PRMT9: variants seen among roughly 807,000 people sequenced by gnomAD.
The protein encoded by PRMT9 is protein arginine methyltransferase 9, also known as protein arginine N-methyltransferase 9.
PRMT9 carries 59 observed loss-of-function variants against 83.2 expected under a neutral mutation model. The ratio of observed to expected loss-of-function variants is 0.71; its 90% CI spans 0.57 to 0.88. PRMT9 has a LOEUF of 0.88. Ranked by LOEUF, PRMT9 falls within the 40% of genes least tolerant of loss-of-function variation. The pLI is 0.00. For synonymous variants in PRMT9, 333 were observed against 353.2 expected (o/e 0.94, Z 0.64); for missense variants, 947 against 1,021.9 (o/e 0.93, Z 1.00).
At chr4:147,671,800 A>G (rs936968633) in intron 4 of PRMT9, 14 of 453,908 alleles carry the variant, frequency 3.1e-5, no homozygotes, top group Non-Finnish European at 4.9e-5. Flanking sequence ...TGTGAGAAAA[A>G]GGTAGATTAA....
chr4:147,660,331 C>T (rs1434592961), intron 7 of PRMT9, among the ~76,000 whole-genome samples: 1 of 152,160 alleles, frequency 6.6e-6, no homozygotes, highest in East Asian at 1.9e-4. Flanking sequence ...GGGGTTTTCT[C>T]TGTATTTAAA....
chr4:147,673,031 T>C lies in PRMT9; in HGVS notation c.671A>G (p.Lys224Arg), dbSNP rs1432370030. The C allele has an allele frequency of 4.3e-6, 7 of 1,614,034 alleles. No individual in the cohort carries two copies. In the South Asian group the frequency reaches 5.5e-5, roughly 13 times the overall value. Residue 224 changes from lysine to arginine, a missense_variant, in exon 4 of 12, where the codon AAG becomes AGG. Physicochemically the swap from Lys to Arg is conservative, Grantham distance 26. Transcript: ENST00000322396. ...TAAGAGTTTGATCCCTGCTTCCATC[T>C]TGTTTGCTGCCACGACATCACAGGC... is the stretch of plus-strand genomic sequence containing the variant. ...ELACDVVAAN[K>R]MEAGIKLLHT...
intron 11 of PRMT9, 94 bp from the exon 12 acceptor site, chr4:147,638,841 A>G: frequency 7.3e-7 from 1 of 1,363,830 alleles, no homozygotes; most frequent in Non-Finnish European, 1.0e-6. Context: ...AAAATTTAAA[A>G]TACATTTCAC....
rs534888352 is a variant in PRMT9, at chr4:147,662,790, C to T, written c.954-1752G>A. ...CTCCAGCCTAGGCAACAGAGCGAGA[C>T]CCTGTCTCAAAAAAACAAAAAAAAC... On this transcript the variant is annotated intron_variant, in intron 6 of 11. Transcript: ENST00000322396. Among the ~76,000 whole-genome samples the T allele has an allele frequency of 2.4e-4, 37 of 151,748 alleles. No homozygotes were observed. In the South Asian group the frequency reaches 7.5e-3, roughly 31 times the overall value.
chr4:147,654,842 C>T (rs1488898775), intron 8 of PRMT9, among the ~76,000 whole-genome samples: 1 of 152,142 alleles, frequency 6.6e-6, no homozygotes, highest in Non-Finnish European at 1.5e-5. Context: ...GTTTTTAATG[C>T]CATCACTAGG....
At chr4:147,667,949 A>T (rs1215561996) in intron 6 of PRMT9, among the ~76,000 whole-genome samples, 2 of 150,730 alleles carry the variant, frequency 1.3e-5, no homozygotes, top group African/African-American at 4.9e-5. Flanking sequence ...ATTTTCCATT[A>T]AAAAAAAACT....
chr4:147,654,184 C>G lies in PRMT9; in HGVS notation c.1713G>C (p.Gln571His). ...CQNEMSSGTG[Q>H]SNTVQNILEP... ...CAAGGATGTTCTGTACAGTATTACTCTGTCCAGTTCCAGAGCTCATCTCAT... is the reference window on the plus strand; with the variant it reads ...CAAGGATGTTCTGTACAGTATTACTGTGTCCAGTTCCAGAGCTCATCTCAT... Residue 571 changes from glutamine (Q) to histidine (H), a missense_variant, in exon 9 of 12, where the codon CAG becomes CAC. By Grantham distance (24) the Gln-to-His change is conservative. Coordinates refer to ENST00000322396, the MANE Select transcript of PRMT9 (RefSeq NM_138364.4). 1 of 1,614,206 alleles carries G rather than the reference C, an allele frequency of 6.2e-7. No individual in the cohort carries two copies. Among genetic ancestry groups the G allele is most frequent in the Non-Finnish European group, 8.5e-7 (1 of 1,180,026 alleles).
chr4:147,683,670 G>A (rs1736650099), intron 1 of PRMT9, 129 bp downstream of exon 1: 1 of 865,108 alleles, frequency 1.2e-6, no homozygotes, highest in Non-Finnish European at 1.9e-6. Flanking sequence ...GAGAAAAAAG[G>A]GCCCTAAATA....
Position 147,670,699 on chromosome 4 carries a change from C to A in PRMT9, c.788G>T (p.Gly263Val). ...AATCAAACTCTCCACAATTCCTTCT[C>A]CAAATAAACCTGCATCGACAGTTTC... is the stretch of plus-strand genomic sequence containing the variant. ...VTETVDAGLF[G>V]EGIVESLIHA... The change falls in exon 5 of 12, where the codon GGA becomes GTA. Residue 263 changes from glycine (G) to valine (V), a missense_variant. Gly to Val is a moderately radical substitution (Grantham distance 109). Transcript: ENST00000322396. The A allele has an allele frequency of 6.2e-7, 1 of 1,613,560 alleles. No homozygotes were observed. The highest frequency in any genetic ancestry group is 8.5e-7 in the Non-Finnish European group (1 of 1,179,688).
chr4:147,659,550 C>G (rs1427474130), intron 7 of PRMT9, among the ~76,000 whole-genome samples: 2 of 150,316 alleles, frequency 1.3e-5, no homozygotes, highest in South Asian at 4.2e-4. Context: ...TCTATGTAAC[C>G]TTTCCAATTT....
intron 6 of PRMT9, among the ~76,000 whole-genome samples, chr4:147,665,078 G>A (rs945971202): frequency 1.1e-4 from 15 of 132,148 alleles, no homozygotes; most frequent in African/African-American, 3.4e-4. Flanking sequence ...CCAAGATCGC[G>A]CCACTGCATT....
intron 1 of PRMT9, among the ~76,000 whole-genome samples, chr4:147,681,742 G>C (rs781746271): frequency 1.3e-5 from 2 of 151,028 alleles, no homozygotes; most frequent in Non-Finnish European, 2.9e-5. Context: ...AACCGAGATC[G>C]CACCACTGCA....
chr4:147,669,518 G>A (rs1735595205), intron 5 of PRMT9, among the ~76,000 whole-genome samples: 1 of 152,014 alleles, frequency 6.6e-6, no homozygotes, highest in African/African-American at 2.4e-5. Context: ...AAAAGACTTG[G>A]GTATGACTTT....
chr4:147,668,462 T>G (rs1398773655), intron 6 of PRMT9, 77 bp downstream of exon 6: 10 of 900,756 alleles, frequency 1.1e-5, no homozygotes, highest in Non-Finnish European at 1.5e-5. Flanking sequence ...GTGAGTCATT[T>G]AAACCTCTTT....
At chr4:147,676,513 C>G (rs1736083428) in intron 2 of PRMT9, among the ~76,000 whole-genome samples, 2 of 152,142 alleles carry the variant, frequency 1.3e-5, no homozygotes. Context: ...TGTAGCTGAT[C>G]AGGTTAGCTG....
intron 6 of PRMT9, among the ~76,000 whole-genome samples, chr4:147,661,505 T>C (rs895022867): frequency 2.6e-5 from 4 of 151,972 alleles, no homozygotes; most frequent in African/African-American, 9.7e-5. Flanking sequence ...AAAATCACAA[T>C]GCAGGCCAGG....
chr4:147,643,979 T>A (rs1467544360), intron 9 of PRMT9, among the ~76,000 whole-genome samples: 3 of 152,198 alleles, frequency 2.0e-5, no homozygotes, highest in Non-Finnish European at 2.9e-5. Flanking sequence ...CTAAATGGAA[T>A]ATATGATCCT....
Position 147,683,805 on chromosome 4 carries a change from G to T in PRMT9, c.183C>A (p.Asp61Glu). The change falls in exon 1 of 12, where the codon GAC (aspartate) becomes GAA (glutamate). Residue 61 changes from aspartate (D) to glutamate (E), a missense_variant. By Grantham distance (45) the Asp-to-Glu change is conservative. Transcript: ENST00000322396. ...VLSLAPELKH[D>E]VKETFQYTLF... ...GAGAAAAAAGGACCCTCACCTTCAC[G>T]TCGTGTTTCAGCTCCGGCGCCAGGC... 6.4e-7 allele frequency: 1 copy of T among 1,571,284 alleles called. No homozygotes were observed. Among genetic ancestry groups the T allele is most frequent in the East Asian group, 2.4e-5 (1 of 42,128 alleles).
chr4:147,669,974 A>T lies in PRMT9; in HGVS notation c.846+667T>A, dbSNP rs546038021. On this transcript the variant is annotated intron_variant, in intron 5 of 11. Transcript: ENST00000322396. ...TATACTCCCTTCTGATAATTTGCCA[A>T]AATTCTAGGCAGTGAGGTCTGTAAG... Among the ~76,000 whole-genome samples, 4 of 152,322 alleles carry T rather than the reference A, an allele frequency of 2.6e-5. No homozygotes were observed. In the South Asian group the frequency reaches 8.3e-4, roughly 32 times the overall value.
Sources: gnomAD v4.1 joint callset for allele counts (sites outside exome capture counted in the v4.1 genomes callset) on GRCh38, gnomAD v4.1.1 for gene constraint, MANE v1.5 for transcripts, NCBI Gene and HGNC (gene_info 2026-07-23, HGNC 2026-07-21) for gene names.